The following TDRD5 variants were observed in gnomAD, a reference collection of about 807,000 sequenced individuals.
The protein encoded by TDRD5 is tudor domain containing 5.
In TDRD5, 41 loss-of-function variants were observed where a neutral mutation model predicts 120.6. That is an observed-to-expected ratio of 0.34 (90% CI 0.26 to 0.44). The LOEUF is 0.44. Ranked by LOEUF, TDRD5 falls within the 20% of genes least tolerant of loss-of-function variation. TDRD5 has a pLI of 1.00. For synonymous variants in TDRD5, 430 were observed against 433.7 expected (o/e 0.99, Z 0.11); for missense variants, 1,006 against 1,221.2 (o/e 0.82, Z 2.63).
rs1681130014 is a variant in TDRD5 at position 179,691,102 on chromosome 1, C to G, written c.*159C>G. ...TTAGCTTTATTATGCTAACAGTCTA[C>G]TTTGATGTGTAAGTAAGTATTGATA... On this transcript the variant is annotated 3_prime_UTR_variant, in exon 18 of 18. Transcript: ENST00000444136. The G allele has an allele frequency of 1.1e-6, 1 of 909,768 alleles. No individual in the cohort carries two copies. The highest frequency in any genetic ancestry group is 3.1e-5 in the Admixed American group (1 of 31,830). The allele number at this position is 909,768 out of a possible 1,614,324, so 56.4% of individuals were successfully genotyped here.
intron 4 of TDRD5, among the ~76,000 whole-genome samples, chr1:179,608,322 T>C (rs1229856488): frequency 6.6e-6 from 1 of 152,082 alleles, no homozygotes; most frequent in African/African-American, 2.4e-5. Context: ...GCTTCTTGTA[T>C]GTGGGTTTAT....
chr1:179,643,779 GA>G (rs1157213375), intron 11 of TDRD5, among the ~76,000 whole-genome samples: 2 of 152,040 alleles, frequency 1.3e-5, no homozygotes, highest in African/African-American at 4.8e-5. Flanking sequence ...GAATAGGATG[GA>G]AAAAAGGAAG....
chr1:179,646,502 G>C lies in TDRD5; in HGVS notation c.1801-4365G>C, dbSNP rs948145319. ...ACAAACCCACAGCCAATATCATACT[G>C]AATGGGCAAAAACTGGAAGCATTCC... On this transcript the variant is annotated intron_variant, in intron 11 of 17. Coordinates refer to ENST00000444136, the MANE Select transcript of TDRD5 (RefSeq NM_001199085.3). Among the ~76,000 whole-genome samples the C allele has an allele frequency of 3.3e-5, 5 of 150,682 alleles. No homozygotes were observed. In the Admixed American group the frequency reaches 3.3e-4, roughly 10 times the overall value.
intron 7 of TDRD5, 80 bp downstream of exon 7, chr1:179,631,000 A>T (rs2102000274): frequency 7.4e-7 from 1 of 1,355,942 alleles, no homozygotes; most frequent in South Asian, 1.5e-5. Flanking sequence ...AATAATGCCT[A>T]GCCATGAAAT....
intron 9 of TDRD5, 45 bp from the exon 10 acceptor site, chr1:179,639,794 T>C (rs1321401599): frequency 6.4e-7 from 1 of 1,573,780 alleles, no homozygotes; most frequent in South Asian, 1.2e-5. Flanking sequence ...TTATCTTTAA[T>C]TTTTTCTTCC....
rs1471701373 is a variant in TDRD5 at position 179,647,391 on chromosome 1, T to C, written c.1801-3476T>C. Among the ~76,000 whole-genome samples, 8 of 151,820 alleles carry C rather than the reference T, an allele frequency of 5.3e-5. No individual in the cohort carries two copies. The East Asian group carries it at 1.6e-3, about 29-fold the overall frequency. Reference sequence around the variant, plus strand: ...AATAAATGGTGCTGGGAAAACTGGCTAGCCATATGTAGAAAGCTGAAACTG... The same window carrying C: ...AATAAATGGTGCTGGGAAAACTGGCCAGCCATATGTAGAAAGCTGAAACTG... On this transcript the variant is annotated intron_variant, in intron 11 of 17. Coordinates refer to ENST00000444136, the MANE Select transcript of TDRD5 (RefSeq NM_001199085.3).
In TDRD5 at chr1:179,651,076, G is replaced by T. The variant is rs760797541; in HGVS notation, c.2001+9G>T. 3 of 1,613,424 alleles carry T rather than the reference G, an allele frequency of 1.9e-6. No homozygotes were observed. In the South Asian group the frequency reaches 3.3e-5, roughly 18 times the overall value. On this transcript the variant is annotated intron_variant, in intron 12 of 17. Coordinates refer to ENST00000444136, the MANE Select transcript of TDRD5 (RefSeq NM_001199085.3). ...AAAATATCTCTTCTAAGGTGGAGCA[G>T]TCTGGATGTATTTTGTAATATATTT...
At chr1:179,622,750 C>T (rs1676907788) in intron 6 of TDRD5, among the ~76,000 whole-genome samples, 1 of 152,042 alleles carries the variant, frequency 6.6e-6, no homozygotes, top group Non-Finnish European at 1.5e-5. Flanking sequence ...ACTTGAGTGA[C>T]CTGAGACCTG....
chr1:179,674,338 G>A (rs1680007114), intron 17 of TDRD5, among the ~76,000 whole-genome samples: 1 of 152,162 alleles, frequency 6.6e-6, no homozygotes, highest in Non-Finnish European at 1.5e-5. Flanking sequence ...TTTATGTGGT[G>A]TATCACATTT....
rs145048355 is a variant in TDRD5, at chr1:179,669,341, T to A, written c.2797T>A (p.Ser933Thr). The change falls in exon 17 of 18, where the codon TCC becomes ACC. Residue 933 changes from serine (S) to threonine (T), a missense_variant. This residue lies in a region of TDRD5 where 403 missense variants were observed against 448.1 expected (regional missense o/e 0.90). Transcript: ENST00000444136. ...SQTQPKQIQLSTAAPCSTTAV... is the reference protein window; with the variant it reads ...SQTQPKQIQLTTAAPCSTTAV... ...GACTCAGCCAAAGCAAATTCAGCTTTCCACAGCAGCACCCTGTTCAACAAC... is the reference window on the plus strand; with the variant it reads ...GACTCAGCCAAAGCAAATTCAGCTTACCACAGCAGCACCCTGTTCAACAAC... 3.3e-5 allele frequency: 54 copies of A among 1,614,168 alleles called. No individual in the cohort carries two copies. In the African/African-American group the frequency reaches 6.0e-4, roughly 18 times the overall value.
intron 14 of TDRD5, among the ~76,000 whole-genome samples, chr1:179,657,930 A>G (rs182683300): frequency 1.3e-5 from 2 of 152,224 alleles, no homozygotes; most frequent in Admixed American, 6.5e-5. Context: ...AGTTACCAAG[A>G]TGTATAGCAG....
intron 4 of TDRD5, among the ~76,000 whole-genome samples, chr1:179,614,099 G>C (rs959447178): frequency 6.6e-6 from 1 of 152,066 alleles, no homozygotes; most frequent in Non-Finnish European, 1.5e-5. Flanking sequence ...TATTACAAAA[G>C]TAATATAGAT....
chr1:179,655,362 G>A (rs1389688507), intron 14 of TDRD5, among the ~76,000 whole-genome samples: 2 of 152,104 alleles, frequency 1.3e-5, no homozygotes, highest in African/African-American at 4.8e-5. Context: ...CTATGTAAAT[G>A]CTCTTCACGG....
At position 179,654,383 on chromosome 1, in the gene TDRD5, C is replaced by A; in HGVS notation, c.2322+21C>A. On this transcript the variant is annotated intron_variant, in intron 14 of 17. Coordinates refer to ENST00000444136, the MANE Select transcript of TDRD5 (RefSeq NM_001199085.3). ...ATGAGGTAGGAGAAGGAAAGATAGT[C>A]TTTGAATATGTAATTAATATAATAC... The A allele has an allele frequency of 2.0e-6, 3 of 1,513,426 alleles. No individual in the cohort carries two copies. In the South Asian group the frequency reaches 3.9e-5, roughly 19 times the overall value. 93.7% of individuals were successfully genotyped at this position (1,513,426 alleles called of 1,614,324 possible). A position where few individuals can be genotyped will look rare whatever the true frequency, so the allele number is the denominator to read the frequency against.
In TDRD5 at chr1:179,661,051, A is replaced by C. The variant is rs530149097; in HGVS notation, c.2323-1053A>C. On this transcript the variant is annotated intron_variant, in intron 14 of 17. Transcript: ENST00000444136. ...TCTGATGCAAAATCCACAGTAATTG[A>C]AATTGTTCTTCCTTTATAAGTAATG... 2.0e-5 allele frequency among the ~76,000 whole-genome samples: 3 copies of C among 152,264 alleles called. No individual in the cohort carries two copies. In the South Asian group the frequency reaches 6.2e-4, roughly 32 times the overall value.
intron 11 of TDRD5, among the ~76,000 whole-genome samples, chr1:179,642,254 C>G (rs993831641): frequency 1.3e-5 from 2 of 152,080 alleles, no homozygotes; most frequent in African/African-American, 4.8e-5. Context: ...GCATGTGCCA[C>G]CATGCCCGGC....
intron 4 of TDRD5, among the ~76,000 whole-genome samples, chr1:179,615,485 G>A (rs571707444): frequency 6.6e-6 from 1 of 151,956 alleles, no homozygotes. Flanking sequence ...CTCTTCTGAG[G>A]TCCTATAAGC....
chr1:179,607,809 AATATT>A (rs1156731295), intron 4 of TDRD5, among the ~76,000 whole-genome samples: 1 of 151,918 alleles, frequency 6.6e-6, no homozygotes, highest in Non-Finnish European at 1.5e-5. Flanking sequence ...TTAATACTAA[AATATT>A]AAAAACATAA....
chr1:179,681,054 G>A (rs964140326), intron 17 of TDRD5, among the ~76,000 whole-genome samples: 1 of 146,628 alleles, frequency 6.8e-6, no homozygotes, highest in African/African-American at 2.5e-5. Flanking sequence ...CGCACCACGT[G>A]TTTACAAAAT....
Sources: gnomAD v4.1 joint callset for allele counts (sites outside exome capture counted in the v4.1 genomes callset) on GRCh38, gnomAD v4.1.1 for gene constraint, gnomAD v4.1.1 regional missense constraint, MANE v1.5 for transcripts, NCBI Gene and HGNC (gene_info 2026-07-23, HGNC 2026-07-21) for gene names.